Variants in CELF2 observed in about 807,000 individuals in gnomAD.
CELF2 encodes the protein CUGBP Elav-like family member 2.
CELF2 carries 8 observed loss-of-function variants against 62.6 expected under a neutral mutation model. The observed-to-expected ratio is 0.13, with a 90% confidence interval of 0.07 to 0.23. The LOEUF (loss-of-function observed/expected upper bound fraction) is 0.23, where lower values mean the gene tolerates loss of function less well. CELF2 is among the 10% of genes least tolerant of loss of function. The pLI is 1.00. For synonymous variants in CELF2, 258 were observed against 250.0 expected (o/e 1.03, Z -0.30); for missense variants, 333 against 671.0 (o/e 0.50, Z 5.56).
chr10:11,259,729 C>A (rs1565609842), intron 5 of CELF2, among the ~76,000 whole-genome samples: 1 of 152,188 alleles, frequency 6.6e-6, no homozygotes, highest in Non-Finnish European at 1.5e-5. Context: ...GGGCTCAAAC[C>A]AGCAGACCTT....
At chr10:10,568,401 A>C in the CELF2 span, among the ~76,000 whole-genome samples, 1 of 152,190 alleles carries the variant, frequency 6.6e-6, no homozygotes, top group Non-Finnish European at 1.5e-5. Flanking sequence ...TTTGTAAATG[A>C]AGTTTACAAA....
Position 11,220,555 on chromosome 10 carries a change from C to G in CELF2, c.354+3048C>G, listed in dbSNP as rs998620033. On this transcript the variant is annotated intron_variant, in intron 3 of 12. Coordinates refer to ENST00000633077, the MANE Select transcript of CELF2 (RefSeq NM_001326342.2). The surrounding 1 kb of genome is among the most constrained non-coding windows in gnomAD (Gnocchi z 4.4). ...TTGAGGTGACAGATCAGGGCTCTTACGGAGCAGTGCAAAATCATTGAAGAC... is the reference window on the plus strand; with the variant it reads ...TTGAGGTGACAGATCAGGGCTCTTAGGGAGCAGTGCAAAATCATTGAAGAC... Among the ~76,000 whole-genome samples the G allele has an allele frequency of 2.6e-5, 4 of 152,208 alleles. No homozygotes were observed. The highest frequency in any genetic ancestry group is 9.7e-5 in the African/African-American group (4 of 41,444).
intron 4 of CELF2, 35 bp downstream of exon 4, chr10:11,249,236 T>C (rs777275536): frequency 1.0e-5 from 16 of 1,542,042 alleles, no homozygotes; most frequent in East Asian, 4.5e-5. Context: ...TTAATAATAA[T>C]ATCTGCTGCT....
intron 1 of CELF2, among the ~76,000 whole-genome samples, chr10:10,904,357 G>T (rs898885545): frequency 4.6e-5 from 7 of 152,022 alleles, no homozygotes; most frequent in Admixed American, 3.9e-4. Context: ...CTCCCAAGTA[G>T]CTGGGACTAC....
At chr10:11,172,326 A>G (rs907138933) in intron 2 of CELF2, among the ~76,000 whole-genome samples, 3 of 152,236 alleles carry the variant, frequency 2.0e-5, no homozygotes, top group African/African-American at 4.8e-5. Context: ...TTTTAGATTC[A>G]TGCAAGCGGA....
At chr10:10,654,450 A>C in the CELF2 span, among the ~76,000 whole-genome samples, 1 of 113,894 alleles carries the variant, frequency 8.8e-6, no homozygotes, top group East Asian at 2.1e-4. Flanking sequence ...CTTGATGAAC[A>C]CTGATGCAAA....
At chr10:10,595,456 A>C in the CELF2 span, among the ~76,000 whole-genome samples, 9 of 152,170 alleles carry the variant, frequency 5.9e-5, no homozygotes, top group Non-Finnish European at 1.2e-4. Flanking sequence ...GGTGGGAGGC[A>C]GGACTCGACT....
the CELF2 span, among the ~76,000 whole-genome samples, chr10:10,583,412 CT>C: frequency 6.6e-6 from 1 of 152,128 alleles, no homozygotes; most frequent in Non-Finnish European, 1.5e-5. Context: ...TCAGGCTTAC[CT>C]GTGCTGTTGG....
chr10:10,911,776 G>A (rs1296897531), intron 1 of CELF2, among the ~76,000 whole-genome samples: 1 of 152,198 alleles, frequency 6.6e-6, no homozygotes, highest in Non-Finnish European at 1.5e-5. Flanking sequence ...ATGAATGTAG[G>A]CTAGGCAGAA....
chr10:11,236,225 G>C (rs887936242), intron 3 of CELF2, among the ~76,000 whole-genome samples: 2 of 152,182 alleles, frequency 1.3e-5, no homozygotes, highest in Non-Finnish European at 2.9e-5. Flanking sequence ...CCTGTCAGAA[G>C]GTTCAAGATA....
rs1164344060 is a variant in CELF2 at position 11,207,323 on chromosome 10, A to G, written c.272-10102A>G. Among the ~76,000 whole-genome samples, 1 of 152,182 alleles carries G rather than the reference A, an allele frequency of 6.6e-6. No individual in the cohort carries two copies. Among genetic ancestry groups the G allele is most frequent in the Non-Finnish European group, 1.5e-5 (1 of 68,032 alleles). Reference sequence around the variant, plus strand: ...TAGTCTTCACGGGGTCATGGAAATAACAGAAGATGGTTCCTCCAGGGAAAG... The same window carrying G: ...TAGTCTTCACGGGGTCATGGAAATAGCAGAAGATGGTTCCTCCAGGGAAAG... On this transcript the variant is annotated intron_variant, in intron 2 of 12. Coordinates refer to ENST00000633077, the MANE Select transcript of CELF2 (RefSeq NM_001326342.2). The surrounding 1 kb of genome is among the most constrained non-coding windows in gnomAD (Gnocchi z 4.1).
intron 1 of CELF2, among the ~76,000 whole-genome samples, chr10:10,839,982 G>T (rs886459370): frequency 6.6e-6 from 1 of 152,170 alleles, no homozygotes; most frequent in Non-Finnish European, 1.5e-5. Flanking sequence ...AGCCTTTTTA[G>T]AGTGGCTTCT....
chr10:10,487,959 T>C, the CELF2 span, among the ~76,000 whole-genome samples: 2 of 152,108 alleles, frequency 1.3e-5, no homozygotes, highest in East Asian at 3.8e-4. Flanking sequence ...TACATAATCA[T>C]TATGTGATCA....
intron 9 of CELF2, among the ~76,000 whole-genome samples, chr10:11,289,316 A>C (rs2092088057): frequency 6.6e-6 from 1 of 151,736 alleles, no homozygotes; most frequent in Non-Finnish European, 1.5e-5. Context: ...GCTTCCTTCT[A>C]ACTTTCAAAA....
chr10:10,531,787 A>T, the CELF2 span, among the ~76,000 whole-genome samples: 29 of 152,328 alleles, frequency 1.9e-4, no homozygotes, highest in African/African-American at 6.5e-4. Flanking sequence ...GAGATTGTTT[A>T]ATTGGAAACT....
the CELF2 span, among the ~76,000 whole-genome samples, chr10:10,720,099 G>A: frequency 1.3e-5 from 2 of 152,190 alleles, no homozygotes; most frequent in Admixed American, 6.5e-5. Context: ...GGCAGACAGT[G>A]GGATGGTGGG....
chr10:11,152,376 A>G (rs936040248), intron 1 of CELF2, among the ~76,000 whole-genome samples: 14 of 152,216 alleles, frequency 9.2e-5, no homozygotes, highest in African/African-American at 3.4e-4. Flanking sequence ...AACACAGTGC[A>G]TGACACCAAG....
intron 8 of CELF2, among the ~76,000 whole-genome samples, chr10:11,282,388 T>A (rs1441340050): frequency 1.3e-5 from 2 of 152,026 alleles, no homozygotes; most frequent in Non-Finnish European, 2.9e-5. Context: ...TGGCTCATGG[T>A]GTTTTCACCT....
intron 2 of CELF2, among the ~76,000 whole-genome samples, chr10:10,963,670 T>C (rs2049804737): frequency 1.3e-5 from 2 of 152,190 alleles, no homozygotes; most frequent in African/African-American, 2.4e-5. Flanking sequence ...ATATATAAAA[T>C]GATAAAGCAG....
Sources: allele counts gnomAD v4.1 joint callset (sites outside exome capture counted in the v4.1 genomes callset), GRCh38; gene constraint gnomAD v4.1.1; non-coding constraint Gnocchi (gnomAD v3.1); transcripts MANE v1.5; gene names NCBI Gene and HGNC (gene_info 2026-07-23, HGNC 2026-07-21).